Variants in GATAD2A observed in about 807,000 individuals in gnomAD.
GATAD2A encodes GATA zinc finger domain containing 2A, also known as transcriptional repressor p66-alpha.
A neutral mutation model predicts 68.5 loss-of-function variants in GATAD2A; 12 were observed. The ratio of observed to expected loss-of-function variants is 0.18; its 90% CI spans 0.11 to 0.28. GATAD2A has a LOEUF of 0.28. Ranked by LOEUF, GATAD2A falls within the 10% of genes least tolerant of loss-of-function variation. The probability of loss-of-function intolerance (pLI) is 1.00; values close to 1 mark genes in which losing one functional copy is unlikely to be tolerated. For synonymous variants in GATAD2A, 410 were observed against 375.3 expected, an observed-to-expected ratio of 1.09 and a Z score of -1.07; for missense variants, 755 against 868.5, an observed-to-expected ratio of 0.87 and a Z score of 1.64.
intron 1 of GATAD2A, among the ~76,000 whole-genome samples, chr19:19,417,228 G>A (rs2051758218): frequency 6.6e-6 from 1 of 152,216 alleles, no homozygotes; most frequent in South Asian, 2.1e-4. Context: ...GAGCTTCTTA[G>A]TTGGTGGGCT....
At chr19:19,499,663 G>C (rs2060389915) in intron 8 of GATAD2A, among the ~76,000 whole-genome samples, 1 of 152,274 alleles carries the variant, frequency 6.6e-6, no homozygotes, top group East Asian at 1.9e-4. Context: ...GTGCCCCCAT[G>C]TGGTTGCACC....
At chr19:19,391,184 G>A (rs2048820520) in intron 1 of GATAD2A, among the ~76,000 whole-genome samples, 1 of 152,212 alleles carries the variant, frequency 6.6e-6, no homozygotes, top group African/African-American at 2.4e-5. Flanking sequence ...GGAATAGATG[G>A]CATTCTGCCC....
At chr19:19,411,099 G>A (rs2050865059) in intron 1 of GATAD2A, among the ~76,000 whole-genome samples, 1 of 152,182 alleles carries the variant, frequency 6.6e-6, no homozygotes, top group Non-Finnish European at 1.5e-5. Flanking sequence ...GCCACACTGG[G>A]GCGCATGCCT....
At chr19:19,468,282 C>A (rs1394156761) in intron 2 of GATAD2A, among the ~76,000 whole-genome samples, 1 of 152,236 alleles carries the variant, frequency 6.6e-6, no homozygotes, top group African/African-American at 2.4e-5. Context: ...GAGGACTGTT[C>A]ATTTTAGAGT....
intron 5 of GATAD2A, among the ~76,000 whole-genome samples, chr19:19,494,716 C>T (rs1180927830): frequency 1.3e-5 from 2 of 152,226 alleles, no homozygotes; most frequent in Non-Finnish European, 2.9e-5. Context: ...TCCAGGGCCT[C>T]CAGGTGAGGG....
chr19:19,498,966 C>T (rs192506919), intron 8 of GATAD2A, among the ~76,000 whole-genome samples: 240 of 152,296 alleles, frequency 1.6e-3, no homozygotes, highest in Middle Eastern at 0.014. Flanking sequence ...TAGTGGCCTC[C>T]GTGACGTTGG....
intron 1 of GATAD2A, among the ~76,000 whole-genome samples, chr19:19,436,824 T>G (rs2054411561): frequency 6.6e-6 from 1 of 152,246 alleles, no homozygotes. Flanking sequence ...CTGAAAGATG[T>G]CTTAGAACTT....
intron 2 of GATAD2A, among the ~76,000 whole-genome samples, chr19:19,466,182 C>T (rs1010799521): frequency 1.3e-5 from 2 of 152,240 alleles, no homozygotes; most frequent in Non-Finnish European, 2.9e-5. Flanking sequence ...TGACTTTCCT[C>T]ATATTCACCT....
At chr19:19,445,030 C>T (rs993560305) in intron 1 of GATAD2A, among the ~76,000 whole-genome samples, 1 of 152,094 alleles carries the variant, frequency 6.6e-6, no homozygotes, top group Non-Finnish European at 1.5e-5. Context: ...GCCTTGGCTC[C>T]TCCTTGGTGA....
intron 2 of GATAD2A, among the ~76,000 whole-genome samples, chr19:19,481,215 T>C (rs1215659017): frequency 1.3e-5 from 2 of 152,210 alleles, no homozygotes; most frequent in South Asian, 2.1e-4. Context: ...CTTTGTCCTT[T>C]ACTCTCCCCA....
chr19:19,502,559 CT>C (rs1198611773), intron 11 of GATAD2A, 33 bp downstream of exon 11: 7 of 1,533,200 alleles, frequency 4.6e-6, no homozygotes, highest in Non-Finnish European at 6.2e-6. Flanking sequence ...CCCAGGGGAC[CT>C]GCCCATTGTG....
intron 1 of GATAD2A, among the ~76,000 whole-genome samples, chr19:19,412,995 G>T (rs2051146265): frequency 6.6e-6 from 1 of 152,182 alleles, no homozygotes; most frequent in African/African-American, 2.4e-5. Flanking sequence ...TTCGTACCAT[G>T]GTAAAGTTGA....
At chr19:19,420,775 A>G (rs189572352) in intron 1 of GATAD2A, among the ~76,000 whole-genome samples, 1 of 151,978 alleles carries the variant, frequency 6.6e-6, no homozygotes, top group East Asian at 1.9e-4. Context: ...CCCTCGTGTG[A>G]GTGTGGGTAT....
chr19:19,494,516 G>A (rs1343970767), intron 5 of GATAD2A, 133 bp downstream of exon 5: 4 of 597,684 alleles, frequency 6.7e-6, no homozygotes, highest in Non-Finnish European at 1.2e-5. Context: ...GTAGGCTGGA[G>A]TGAGGCCCTC....
At chr19:19,450,431 C>T (rs770731457) in intron 1 of GATAD2A, among the ~76,000 whole-genome samples, 11 of 152,252 alleles carry the variant, frequency 7.2e-5, no homozygotes, top group Middle Eastern at 3.4e-3. Context: ...ACCCCCTCTT[C>T]AGGGAACGCT....
chr19:19,457,712 G>A (rs2057064166), intron 1 of GATAD2A, among the ~76,000 whole-genome samples: 1 of 151,240 alleles, frequency 6.6e-6, no homozygotes, highest in South Asian at 2.1e-4. Flanking sequence ...CTGCACTCCA[G>A]CCTGGGCAAC....
intron 8 of GATAD2A, among the ~76,000 whole-genome samples, chr19:19,500,266 G>A (rs1663541558): frequency 6.6e-6 from 1 of 152,202 alleles, no homozygotes; most frequent in South Asian, 2.1e-4. Flanking sequence ...ATGTGCCGTT[G>A]TCACCAGAGC....
At chr19:19,490,884 C>G (rs2059749295) in intron 2 of GATAD2A, among the ~76,000 whole-genome samples, 1 of 152,072 alleles carries the variant, frequency 6.6e-6, no homozygotes. Flanking sequence ...GACTCCATCT[C>G]AAAAAAGAAG....
chr19:19,463,509 CG>C lies in GATAD2A; in HGVS notation c.-6-1826del, dbSNP rs551490445. On this transcript the variant is annotated intron_variant, in intron 1 of 11. Transcript: ENST00000683918. ...GAGCTGAGGGGCAGCTGAGCAGGAG[CG>C]GGGGCGGGGGTGGACAGGGTGGCCG... Among the ~76,000 whole-genome samples, 796 of 140,884 alleles carry C rather than the reference CG, an allele frequency of 5.7e-3. 5 individuals are homozygous for C. Among genetic ancestry groups the C allele is most frequent in the Non-Finnish European group, 9.5e-3 (615 of 64,882 alleles). The allele number at this position is 140,884 out of a possible 152,430, so 92.4% of individuals were successfully genotyped here. A position where few individuals can be genotyped will look rare whatever the true frequency, so the allele number is the denominator to read the frequency against.
Sources: allele counts gnomAD v4.1 joint callset (sites outside exome capture counted in the v4.1 genomes callset), GRCh38; gene constraint gnomAD v4.1.1; transcripts MANE v1.5; gene names NCBI Gene and HGNC (gene_info 2026-07-23, HGNC 2026-07-21).